Variants in FHIP1A observed in about 807,000 individuals in gnomAD.
FHIP1A encodes the protein FHF complex subunit HOOK-interacting protein 1A.
Under a neutral mutation model 88.6 loss-of-function variants are expected in FHIP1A, and 61 were observed. The ratio of observed to expected loss-of-function variants is 0.69; its 90% CI spans 0.56 to 0.85. The LOEUF is 0.85. Ranked by LOEUF, FHIP1A falls within the 40% of genes least tolerant of loss-of-function variation. The probability of loss-of-function intolerance (pLI) is 0.00; values close to 1 mark genes in which losing one functional copy is unlikely to be tolerated. For synonymous variants in FHIP1A, 478 were observed against 496.0 expected (o/e 0.96, Z 0.48); for missense variants, 1,154 against 1,273.5 (o/e 0.91, Z 1.43).
intron 7 of FHIP1A, among the ~76,000 whole-genome samples, chr4:151,612,417 G>C (rs909656791): frequency 6.6e-5 from 10 of 152,188 alleles, no homozygotes; most frequent in African/African-American, 2.4e-4. Flanking sequence ...GTCTCGCTCC[G>C]TTGCTCAGGC....
intron 8 of FHIP1A, among the ~76,000 whole-genome samples, chr4:151,632,587 A>G (rs1436440981): frequency 1.3e-5 from 2 of 152,146 alleles, no homozygotes; most frequent in African/African-American, 4.8e-5. Flanking sequence ...TTGTTAGGTC[A>G]CAAAACAAAG....
chr4:151,470,780 T>C (rs1189076864), intron 2 of FHIP1A, among the ~76,000 whole-genome samples: 7 of 152,172 alleles, frequency 4.6e-5, no homozygotes, highest in East Asian at 1.9e-4. Flanking sequence ...CTTCTAGTCA[T>C]TGATGTCAGT....
At chr4:151,515,699 A>G (rs1488688989) in intron 3 of FHIP1A, among the ~76,000 whole-genome samples, 3 of 152,076 alleles carry the variant, frequency 2.0e-5, no homozygotes, top group African/African-American at 4.8e-5. Context: ...CCCATTCACA[A>G]TTGCTTCAAA....
In FHIP1A at chr4:151,562,609, A is replaced by G. The variant is rs79219949; in HGVS notation, c.-122-3529A>G. 8.3e-3 allele frequency among the ~76,000 whole-genome samples: 1,267 copies of G among 152,306 alleles called. 20 individuals are homozygous for G. The highest frequency in any genetic ancestry group is 0.03 in the African/African-American group (1,227 of 41,570). Reference sequence around the variant, plus strand: ...CCTTAAGAATTTTTAAAAATAGTTCATCATTAGAGAGTATTTATTTAAACA... The same window carrying G: ...CCTTAAGAATTTTTAAAAATAGTTCGTCATTAGAGAGTATTTATTTAAACA... On this transcript the variant is annotated intron_variant, in intron 3 of 13. Coordinates refer to ENST00000435205, the MANE Select transcript of FHIP1A (RefSeq NM_001109977.3).
intron 3 of FHIP1A, among the ~76,000 whole-genome samples, chr4:151,536,552 A>G (rs535839178): frequency 6.6e-6 from 1 of 152,348 alleles, no homozygotes; most frequent in South Asian, 2.1e-4. Context: ...AGGTGGAATC[A>G]TACAGGATGA....
chr4:151,531,623 T>A (rs1731882254), intron 3 of FHIP1A, among the ~76,000 whole-genome samples: 1 of 152,014 alleles, frequency 6.6e-6, no homozygotes, highest in Non-Finnish European at 1.5e-5. Context: ...ATGAAAAAGA[T>A]GAAGTTCATT....
intron 1 of FHIP1A, among the ~76,000 whole-genome samples, chr4:151,428,528 A>G (rs1322921104): frequency 6.6e-6 from 1 of 151,974 alleles, no homozygotes; most frequent in African/African-American, 2.4e-5. Flanking sequence ...ACTCTCTTCT[A>G]CCTCACCCTT....
intron 6 of FHIP1A, among the ~76,000 whole-genome samples, chr4:151,588,505 A>T (rs551056726): frequency 3.3e-5 from 5 of 152,284 alleles, no homozygotes; most frequent in African/African-American, 1.2e-4. Flanking sequence ...AACAAACTGG[A>T]TATGTTTAAC....
chr4:151,621,185 C>T (rs1735728651), intron 7 of FHIP1A, among the ~76,000 whole-genome samples: 2 of 152,006 alleles, frequency 1.3e-5, no homozygotes, highest in Admixed American at 1.3e-4. Context: ...GCTTGCTGTC[C>T]CCTCATTTTT....
chr4:151,428,325 G>A (rs1733463255), intron 1 of FHIP1A, among the ~76,000 whole-genome samples: 1 of 152,098 alleles, frequency 6.6e-6, no homozygotes, highest in Non-Finnish European at 1.5e-5. Flanking sequence ...TTGTATGATG[G>A]TTTTCAGTTT....
chr4:151,609,040 A>G (rs952906976), intron 7 of FHIP1A, among the ~76,000 whole-genome samples: 2 of 152,164 alleles, frequency 1.3e-5, no homozygotes, highest in South Asian at 2.1e-4. Context: ...ATTTATTACT[A>G]TGAAATCAAC....
chr4:151,517,633 C>G (rs181967288), intron 3 of FHIP1A, among the ~76,000 whole-genome samples: 182 of 152,066 alleles, frequency 1.2e-3, no homozygotes, highest in African/African-American at 4.2e-3. Flanking sequence ...ATAAAGATGC[C>G]TTGGTCAATG....
At chr4:151,411,343 A>ATTCTTTTTTTTTTT (rs370374898) in intron 1 of FHIP1A, among the ~76,000 whole-genome samples, 3,950 of 111,754 alleles carry the variant, frequency 0.035, 437 homozygotes, top group East Asian at 0.12. Flanking sequence ...GTGAAATTAT[A>ATTCTTTTTTTTTTT]TATATATTTT....
intron 9 of FHIP1A, among the ~76,000 whole-genome samples, chr4:151,646,099 A>G (rs1034124519): frequency 6.6e-6 from 1 of 152,182 alleles, no homozygotes; most frequent in Non-Finnish European, 1.5e-5. Flanking sequence ...TATATTCAGG[A>G]GGTAGACTGA....
At chr4:151,559,921 T>C (rs535595601) in intron 3 of FHIP1A, among the ~76,000 whole-genome samples, 28 of 152,258 alleles carry the variant, frequency 1.8e-4, no homozygotes, top group Admixed American at 1.5e-3. Flanking sequence ...CACAACTACA[T>C]CTTCAGTAAT....
intron 7 of FHIP1A, among the ~76,000 whole-genome samples, chr4:151,627,982 G>A (rs1439497464): frequency 1.3e-5 from 2 of 152,122 alleles, no homozygotes; most frequent in Non-Finnish European, 2.9e-5. Flanking sequence ...GAAAACATCA[G>A]GAAACACAAA....
intron 4 of FHIP1A, among the ~76,000 whole-genome samples, chr4:151,571,634 A>G (rs1326548941): frequency 1.3e-5 from 2 of 152,220 alleles, no homozygotes; most frequent in East Asian, 1.9e-4. Flanking sequence ...TGCTCTGCTC[A>G]TCTCCACTCT....
intron 2 of FHIP1A, among the ~76,000 whole-genome samples, chr4:151,472,328 T>A (rs1035297504): frequency 3.3e-5 from 5 of 152,078 alleles, no homozygotes; most frequent in Non-Finnish European, 5.9e-5. Flanking sequence ...TTAAAAAATT[T>A]GAGATAAAAT....
At chr4:151,607,129 C>A (rs958581467) in intron 7 of FHIP1A, among the ~76,000 whole-genome samples, 3 of 152,192 alleles carry the variant, frequency 2.0e-5, no homozygotes, top group African/African-American at 7.2e-5. Flanking sequence ...CAGTTGTAAC[C>A]AAGGGAGCCA....
Sources: gnomAD v4.1 joint callset for allele counts (sites outside exome capture counted in the v4.1 genomes callset) on GRCh38, gnomAD v4.1.1 for gene constraint, MANE v1.5 for transcripts, NCBI Gene and HGNC (gene_info 2026-07-23, HGNC 2026-07-21) for gene names.